The following ECT2L variants were observed in gnomAD, a reference collection of about 807,000 sequenced individuals.
ECT2L encodes epithelial cell-transforming sequence 2 oncogene-like.
ECT2L carries 126 observed loss-of-function variants against 122.8 expected under a neutral mutation model. The observed-to-expected ratio is 1.03, with a 90% confidence interval of 0.89 to 1.19. The LOEUF is 1.19. Ranked by LOEUF, ECT2L falls within the 50% of genes most tolerant of loss-of-function variation. The probability of loss-of-function intolerance (pLI) is 0.00; values close to 1 mark genes in which losing one functional copy is unlikely to be tolerated. For missense variants in ECT2L, 1,012 were observed against 1,064.1 expected (o/e 0.95, Z 0.68); for synonymous variants, 385 against 381.8 (o/e 1.01, Z -0.10).
chr6:138,829,245 T>C (rs1161588098), intron 4 of ECT2L, among the ~76,000 whole-genome samples: 1 of 152,180 alleles, frequency 6.6e-6, no homozygotes, highest in Non-Finnish European at 1.5e-5. Context: ...GGGATACCAT[T>C]TCCCCAAGGA....
intron 9 of ECT2L, among the ~76,000 whole-genome samples, chr6:138,850,364 T>C (rs1461557778): frequency 6.6e-6 from 1 of 152,062 alleles, no homozygotes; most frequent in Non-Finnish European, 1.5e-5. Context: ...AGGATGGTCT[T>C]GCACTCATGA....
rs768363008 is a variant in ECT2L at position 138,849,426 on chromosome 6, T to A, written c.1061T>A (p.Leu354Ter). ...GATGGAGACAGCAGAGAAATCAATT[T>A]ACTCCAAGGTAGGCCTGGGGATTGG... is the stretch of plus-strand genomic sequence containing the variant. The part of the protein sequence containing the change: ...FSDGDSREIN[L>*]LQGYKIGVKN... Residue 354 changes from leucine (L) to a stop codon, truncating the protein, a stop_gained, in exon 9 of 22, where the codon TTA (leucine) becomes TAA (stop). Coordinates refer to ENST00000541398, the MANE Select transcript of ECT2L (RefSeq NM_001077706.3). LOFTEE classifies it high-confidence loss of function. 1.2e-6 allele frequency: 2 copies of A among 1,613,008 alleles called. No individual in the cohort carries two copies. The highest frequency in any genetic ancestry group is 1.7e-6 in the Non-Finnish European group (2 of 1,179,542).
At chr6:138,851,935 A>C (rs1777464210) in intron 9 of ECT2L, among the ~76,000 whole-genome samples, 1 of 152,204 alleles carries the variant, frequency 6.6e-6, no homozygotes, top group South Asian at 2.1e-4. Flanking sequence ...AGTTTCCTAC[A>C]AAGGAAAGGA....
intron 20 of ECT2L, among the ~76,000 whole-genome samples, chr6:138,897,554 T>C (rs1779259147): frequency 6.6e-6 from 1 of 152,212 alleles, no homozygotes; most frequent in Non-Finnish European, 1.5e-5. Flanking sequence ...TAACCGTATT[T>C]ACGGTTAAAC....
At chr6:138,824,567 AC>A (rs1776373393) in intron 4 of ECT2L, among the ~76,000 whole-genome samples, 1 of 126,612 alleles carries the variant, frequency 7.9e-6, no homozygotes, top group Non-Finnish European at 1.7e-5. Flanking sequence ...ATAAAAAAAA[AC>A]AAAAAACAAA....
chr6:138,822,815 C>T (rs1776312470), intron 4 of ECT2L: 1 of 1,613,322 alleles, frequency 6.2e-7, no homozygotes, highest in East Asian at 2.2e-5. Context: ...GCACTTATGA[C>T]TACAGTCAAT....
At chr6:138,840,130 T>C (rs1441047430) in intron 5 of ECT2L, among the ~76,000 whole-genome samples, 2 of 152,150 alleles carry the variant, frequency 1.3e-5, no homozygotes, top group East Asian at 1.9e-4. Flanking sequence ...CGAGGAAACA[T>C]ATTTACTATT....
At chr6:138,813,873 C>T (rs1414705790) in intron 3 of ECT2L, among the ~76,000 whole-genome samples, 1 of 152,172 alleles carries the variant, frequency 6.6e-6, no homozygotes, top group Non-Finnish European at 1.5e-5. Context: ...CTAGACCAGG[C>T]TGGGACTAAA....
chr6:138,842,599 G>A (rs1312368517), intron 5 of ECT2L, among the ~76,000 whole-genome samples: 2 of 151,984 alleles, frequency 1.3e-5, no homozygotes, highest in Admixed American at 6.6e-5. Context: ...GTGAAACCTC[G>A]TCTCTACTAA....
chr6:138,827,740 G>A (rs1305931144), intron 4 of ECT2L, among the ~76,000 whole-genome samples: 2 of 152,024 alleles, frequency 1.3e-5, no homozygotes, highest in African/African-American at 2.4e-5. Flanking sequence ...TATATTTTTA[G>A]TAGAGACGGG....
chr6:138,882,859 A>AACT lies in ECT2L; in HGVS notation c.2018_2020dup (p.Thr673dup), dbSNP rs745950071. 41 of 1,614,078 alleles carry AACT rather than the reference A, an allele frequency of 2.5e-5. No homozygotes were observed. The East Asian group carries it at 8.9e-4, about 35-fold the overall frequency. On this transcript the variant is annotated inframe_insertion, in exon 16 of 22. Transcript: ENST00000541398. ...TCAACAATTACCCTGTCATTCTGAAAACTATTGAGAAGGTAAATGAGTTTC... is the reference window on the plus strand; with the variant it reads ...TCAACAATTACCCTGTCATTCTGAAAACTACTATTGAGAAGGTAAATGAGTTTC...
chr6:138,797,628 T>G (rs1486092024), intron 1 of ECT2L, among the ~76,000 whole-genome samples: 1 of 151,756 alleles, frequency 6.6e-6, no homozygotes, highest in African/African-American at 2.4e-5. Context: ...TAATCTGGCT[T>G]TGGTTGTTCT....
At chr6:138,854,182 C>T (rs769595524) in intron 10 of ECT2L, 28 bp downstream of exon 10, 10 of 1,579,940 alleles carry the variant, frequency 6.3e-6, no homozygotes, top group Non-Finnish European at 8.6e-6. Context: ...TATAGAGAGA[C>T]AGTGGCCATG....
intron 9 of ECT2L, among the ~76,000 whole-genome samples, chr6:138,852,223 C>T (rs936827686): frequency 1.3e-5 from 2 of 152,184 alleles, no homozygotes; most frequent in Admixed American, 6.5e-5. Flanking sequence ...CATTGAGCCA[C>T]TGCACTCCAG....
chr6:138,835,309 G>A (rs1405002137), intron 4 of ECT2L, among the ~76,000 whole-genome samples: 2 of 152,226 alleles, frequency 1.3e-5, no homozygotes, highest in East Asian at 3.9e-4. Context: ...AGCACTTTGG[G>A]AGGCCAAGGC....
At chr6:138,831,949 C>T (rs2128384027) in intron 4 of ECT2L, among the ~76,000 whole-genome samples, 1 of 152,240 alleles carries the variant, frequency 6.6e-6, no homozygotes, top group South Asian at 2.1e-4. Flanking sequence ...TAAAATTTAC[C>T]AGATATTTCA....
chr6:138,844,319 G>C, intron 6 of ECT2L, 93 bp from the exon 7 acceptor site: 1 of 1,429,968 alleles, frequency 7.0e-7, no homozygotes, highest in South Asian at 1.4e-5. Context: ...ACCTTGCCCT[G>C]GTACAGCTTT....
Position 138,854,124 on chromosome 6 carries a change from G to A in ECT2L, c.1168G>A (p.Val390Met), listed in dbSNP as rs372903555. The change falls in exon 10 of 22, where the codon GTG becomes ATG. Residue 390 changes from valine to methionine, a missense_variant. Transcript: ENST00000541398. ...YVATEEEGGHVDFFVPLGASE... is the reference protein window; with the variant it reads ...YVATEEEGGHMDFFVPLGASE... Reference sequence around the variant, plus strand: ...GGCCACTGAAGAAGAAGGGGGTCACGTGGACTTCTTCGTGCCCCTTGGAGC... The same window carrying A: ...GGCCACTGAAGAAGAAGGGGGTCACATGGACTTCTTCGTGCCCCTTGGAGC... 7.2e-5 allele frequency: 116 copies of A among 1,614,098 alleles called. No homozygotes were observed. The highest frequency in any genetic ancestry group is 1.7e-4 in the Middle Eastern group (1 of 6,060).
intron 10 of ECT2L, among the ~76,000 whole-genome samples, chr6:138,861,202 T>A (rs1466739512): frequency 6.6e-6 from 1 of 152,216 alleles, no homozygotes; most frequent in Non-Finnish European, 1.5e-5. Flanking sequence ...TGTTCATGTG[T>A]CTTTATACTA....
Sources: gnomAD v4.1 joint callset for allele counts (sites outside exome capture counted in the v4.1 genomes callset) on GRCh38, gnomAD v4.1.1 for gene constraint, MANE v1.5 for transcripts, NCBI Gene and HGNC (gene_info 2026-07-23, HGNC 2026-07-21) for gene names.